The following ARL5A variants were observed in gnomAD, a reference collection of about 807,000 sequenced individuals.
The protein encoded by ARL5A is ARF like GTPase 5A.
Under a neutral mutation model 25.9 loss-of-function variants are expected in ARL5A, and 18 were observed. The ratio of observed to expected loss-of-function variants is 0.69; its 90% confidence interval spans 0.48 to 1.03. The LOEUF (loss-of-function observed/expected upper bound fraction) is 1.03, where lower values mean the gene tolerates loss of function less well. Among genes scored for constraint, ARL5A ranks in the 50% least tolerant of loss-of-function variants. ARL5A has a pLI of 0.00. For missense variants in ARL5A, 170 were observed against 211.9 expected, an observed-to-expected ratio of 0.80 and a Z score of 1.23; for synonymous variants, 61 against 67.5, an observed-to-expected ratio of 0.90 and a Z score of 0.47.
At chr2:151,822,834 T>C (rs1464601528) in intron 1 of ARL5A, among the ~76,000 whole-genome samples, 1 of 152,224 alleles carries the variant, frequency 6.6e-6, no homozygotes, top group Non-Finnish European at 1.5e-5. Flanking sequence ...AACATACCAA[T>C]CAATACTTTA....
intron 1 of ARL5A, among the ~76,000 whole-genome samples, chr2:151,816,797 C>T (rs571606055): frequency 1.3e-5 from 2 of 152,272 alleles, no homozygotes; most frequent in South Asian, 4.1e-4. Flanking sequence ...TCTCAAGACA[C>T]TGGGCAGTAG....
intron 4 of ARL5A, chr2:151,810,613 A>T (rs577144209): frequency 2.3e-6 from 1 of 435,912 alleles, no homozygotes; most frequent in South Asian, 1.6e-5. Context: ...CCTGGCTCTT[A>T]AAAAGCTAGT....
intron 1 of ARL5A, among the ~76,000 whole-genome samples, chr2:151,825,351 TTTTAACTTGCCTG>T (rs2099832907): frequency 1.3e-5 from 2 of 151,944 alleles, no homozygotes; most frequent in Admixed American, 1.3e-4. Context: ...TCCTTCAGGG[TTTTAACTTGCCTG>T]GCTCTGGCAT....
intron 5 of ARL5A, among the ~76,000 whole-genome samples, chr2:151,806,599 T>C (rs773225315): frequency 6.6e-6 from 1 of 152,164 alleles, no homozygotes; most frequent in Non-Finnish European, 1.5e-5. Context: ...AACAGCTACA[T>C]GCTTCCATGT....
intron 4 of ARL5A, among the ~76,000 whole-genome samples, chr2:151,812,106 A>G (rs2099830924): frequency 6.6e-6 from 1 of 152,216 alleles, no homozygotes; most frequent in Non-Finnish European, 1.5e-5. Flanking sequence ...ACTTTTGCCC[A>G]GGAAAATTGT....
intron 1 of ARL5A, among the ~76,000 whole-genome samples, chr2:151,826,723 G>A (rs949209893): frequency 3.9e-5 from 6 of 152,218 alleles, no homozygotes; most frequent in Non-Finnish European, 2.9e-5. Context: ...AAGCTCCACA[G>A]ATCCCTGGTG....
chr2:151,806,752 T>C (rs1388828032), intron 5 of ARL5A, 69 bp downstream of exon 5: 2 of 1,461,774 alleles, frequency 1.4e-6, no homozygotes, highest in Non-Finnish European at 1.8e-6. Context: ...TATTTAGGAG[T>C]TTAAAGAAGA....
intron 1 of ARL5A, among the ~76,000 whole-genome samples, chr2:151,819,336 G>A (rs1324038528): frequency 1.3e-5 from 2 of 152,164 alleles, no homozygotes; most frequent in Non-Finnish European, 2.9e-5. Context: ...ACACCATTTT[G>A]AATATTGCCA....
intron 5 of ARL5A, among the ~76,000 whole-genome samples, chr2:151,806,083 G>A (rs1394793550): frequency 2.6e-5 from 4 of 152,178 alleles, no homozygotes; most frequent in African/African-American, 9.7e-5. Flanking sequence ...CTGGTTGAAT[G>A]TACTCATTTG....
chr2:151,802,510 T>C lies in ARL5A; in HGVS notation c.*766A>G, dbSNP rs1458022584. ...TAGTAATACTAAGCCAAGAATCTGC[T>C]AGCTTTCCCACTCTGTTGAATTACA... On this transcript the variant is annotated 3_prime_UTR_variant, in exon 6 of 6. Coordinates refer to ENST00000295087, the MANE Select transcript of ARL5A (RefSeq NM_012097.4). 3 of 152,126 alleles carry C rather than the reference T, an allele frequency of 2.0e-5. No homozygotes were observed. The highest frequency in any genetic ancestry group is 4.4e-5 in the Non-Finnish European group (3 of 67,972). 9.4% of individuals were successfully genotyped at this position (152,126 alleles called of 1,614,324 possible). A position where few individuals can be genotyped will look rare whatever the true frequency, so the allele number is the denominator to read the frequency against.
rs1446237116 is a variant in ARL5A at position 151,817,083 on chromosome 2, A to T, written c.47-1884T>A. On this transcript the variant is annotated intron_variant, in intron 1 of 5. Transcript: ENST00000295087. Reference sequence around the variant, plus strand: ...GCATCTATAAACTAAAGTTCAAGTCACTCTCCCTACACAAGCTGCACATAT... The same window carrying T: ...GCATCTATAAACTAAAGTTCAAGTCTCTCTCCCTACACAAGCTGCACATAT... 2.0e-5 allele frequency among the ~76,000 whole-genome samples: 3 copies of T among 151,942 alleles called. No individual in the cohort carries two copies. In the East Asian group the frequency reaches 5.8e-4, roughly 29 times the overall value.
rs2099829320 is a variant in ARL5A, at chr2:151,800,856, T to A, written c.*2420A>T. 6.6e-6 allele frequency: 1 copy of A among 152,638 alleles called. No individual in the cohort carries two copies. The highest frequency in any genetic ancestry group is 1.5e-5 in the Non-Finnish European group (1 of 68,032). The allele number at this position is 152,638 out of a possible 1,614,324, so 9.5% of individuals were successfully genotyped here. ...CCACATGTACAGAACTATGAATCTTTGTTCTTCTCAGAGCTGAACACAATG... is the reference window on the plus strand; with the variant it reads ...CCACATGTACAGAACTATGAATCTTAGTTCTTCTCAGAGCTGAACACAATG... On this transcript the variant is annotated 3_prime_UTR_variant, in exon 6 of 6. Transcript: ENST00000295087.
rs1292638449 is a variant in ARL5A, at chr2:151,801,351, C to G, written c.*1925G>C. 4 of 152,096 alleles carry G rather than the reference C, an allele frequency of 2.6e-5. No individual in the cohort carries two copies. Among genetic ancestry groups the G allele is most frequent in the Admixed American group, 6.5e-5 (1 of 15,272 alleles). 9.4% of individuals were successfully genotyped at this position (152,096 alleles called of 1,614,324 possible). A position where few individuals can be genotyped will look rare whatever the true frequency, so the allele number is the denominator to read the frequency against. ...TGGCAGTAATCCAAGGGACTAAGCA[C>G]ATGATTATTCAAATTAAAACATAAA... On this transcript the variant is annotated 3_prime_UTR_variant, in exon 6 of 6. Coordinates refer to ENST00000295087, the MANE Select transcript of ARL5A (RefSeq NM_012097.4).
rs1249067559 is a variant in ARL5A at position 151,798,864 on chromosome 2, T to C, written c.*4412A>G. 2 of 152,136 alleles carry C rather than the reference T, an allele frequency of 1.3e-5. No homozygotes were observed. Among genetic ancestry groups the C allele is most frequent in the Non-Finnish European group, 2.9e-5 (2 of 68,020 alleles). 9.4% of individuals were successfully genotyped at this position (152,136 alleles called of 1,614,324 possible). A position where few individuals can be genotyped will look rare whatever the true frequency, so the allele number is the denominator to read the frequency against. ...CAACACAAATCCATTTTTAGGCACT[T>C]CTTGAGTACAGACTATGGGAATTTT... On this transcript the variant is annotated 3_prime_UTR_variant, in exon 6 of 6. Coordinates refer to ENST00000295087, the MANE Select transcript of ARL5A (RefSeq NM_012097.4).
Position 151,801,056 on chromosome 2 carries a change from A to ATT in ARL5A, c.*2218_*2219dup. 6.6e-6 allele frequency: 1 copy of ATT among 152,642 alleles called. No individual in the cohort carries two copies. Among genetic ancestry groups the ATT allele is most frequent in the Middle Eastern group, 3.4e-3 (1 of 294 alleles). The allele number at this position is 152,642 out of a possible 1,614,324, so 9.5% of individuals were successfully genotyped here. A position where few individuals can be genotyped will look rare whatever the true frequency, so the allele number is the denominator to read the frequency against. Reference sequence around the variant, plus strand: ...TTTTGACATTTTCATATATAAATTTATTTTTTTCCCAACTATAATTTTGGT... The same window carrying ATT: ...TTTTGACATTTTCATATATAAATTTATTTTTTTTTCCCAACTATAATTTTGGT... On this transcript the variant is annotated 3_prime_UTR_variant, in exon 6 of 6. Transcript: ENST00000295087.
chr2:151,811,236 C>T (rs996048936), intron 4 of ARL5A, among the ~76,000 whole-genome samples: 1 of 140,320 alleles, frequency 7.1e-6, no homozygotes, highest in Non-Finnish European at 1.7e-5. Flanking sequence ...TAAAGCAAAT[C>T]TCAAAAGCAA....
chr2:151,817,840 T>C (rs546288384), intron 1 of ARL5A, among the ~76,000 whole-genome samples: 1 of 152,298 alleles, frequency 6.6e-6, no homozygotes, highest in East Asian at 1.9e-4. Flanking sequence ...ACTCCATCTC[T>C]ACTAAAAATA....
intron 1 of ARL5A, among the ~76,000 whole-genome samples, chr2:151,826,059 T>G (rs1025656774): frequency 6.6e-6 from 1 of 152,072 alleles, no homozygotes; most frequent in African/African-American, 2.4e-5. Flanking sequence ...GAGGCACAGG[T>G]TGCAGTGGGC....
chr2:151,803,803 A>G (rs1313602306), intron 5 of ARL5A, among the ~76,000 whole-genome samples: 2 of 152,248 alleles, frequency 1.3e-5, no homozygotes, highest in African/African-American at 2.4e-5. Context: ...ATATCTGGCA[A>G]TACGTATCAA....
Sources: gnomAD v4.1 joint callset for allele counts (sites outside exome capture counted in the v4.1 genomes callset) on GRCh38, gnomAD v4.1.1 for gene constraint, MANE v1.5 for transcripts, NCBI Gene and HGNC (gene_info 2026-07-23, HGNC 2026-07-21) for gene names.